Variants in GSTCD observed in about 807,000 individuals in gnomAD.
GSTCD encodes glutathione S-transferase C-terminal domain containing.
A neutral mutation model predicts 68.3 loss-of-function variants in GSTCD; 44 were observed. The observed-to-expected ratio is 0.64, with a 90% CI of 0.51 to 0.83. The LOEUF (loss-of-function observed/expected upper bound fraction) is 0.83. Ranked by LOEUF, GSTCD falls within the 40% of genes least tolerant of loss-of-function variation. GSTCD has a pLI of 0.00. For missense variants in GSTCD, 739 were observed against 735.9 expected (o/e 1.00, Z -0.05); for synonymous variants, 273 against 255.2 (o/e 1.07, Z -0.67).
intron 3 of GSTCD, among the ~76,000 whole-genome samples, chr4:105,722,048 CATT>C (rs1220407864): frequency 1.3e-5 from 2 of 152,090 alleles, no homozygotes; most frequent in East Asian, 1.9e-4. Flanking sequence ...ATATTTAAAA[CATT>C]ATTGTACGCC....
chr4:105,845,031 A>C (rs1249307608), intron 11 of GSTCD, among the ~76,000 whole-genome samples: 1 of 152,206 alleles, frequency 6.6e-6, no homozygotes, highest in African/African-American at 2.4e-5. Flanking sequence ...TTCAGACACC[A>C]CTTAATCAGC....
In GSTCD at chr4:105,722,193, G is replaced by C. The variant is rs544070159; in HGVS notation, c.894+2666G>C. On this transcript the variant is annotated intron_variant, in intron 3 of 11. Coordinates refer to ENST00000515279, the MANE Select transcript of GSTCD (RefSeq NM_001370181.1). ...ATACACACATACACACACACACACA[G>C]ACATCTTTATTAGCTTAGGTAAAAT... is the stretch of plus-strand genomic sequence containing the variant. 3.2e-4 allele frequency among the ~76,000 whole-genome samples: 48 copies of C among 151,866 alleles called. No individual in the cohort carries two copies. The South Asian group carries it at 4.8e-3, about 15-fold the overall frequency.
intron 5 of GSTCD, among the ~76,000 whole-genome samples, chr4:105,760,849 A>T (rs952812408): frequency 1.3e-5 from 2 of 152,122 alleles, no homozygotes; most frequent in Non-Finnish European, 2.9e-5. Flanking sequence ...CTATTTTTTT[A>T]AATAATTAAA....
chr4:105,741,897 A>G (rs1431056257), intron 5 of GSTCD, among the ~76,000 whole-genome samples: 1 of 152,182 alleles, frequency 6.6e-6, no homozygotes, highest in Admixed American at 6.5e-5. Context: ...TGTTGTTTTC[A>G]GTTCTGGTAA....
At chr4:105,840,197 T>C in intron 10 of GSTCD, 2 of 455,986 alleles carry the variant, frequency 4.4e-6, no homozygotes, top group South Asian at 1.6e-5. Context: ...TTACCTGAGA[T>C]TGCGATTGCC....
chr4:105,774,492 T>A (rs748251258), intron 5 of GSTCD, among the ~76,000 whole-genome samples: 24 of 152,214 alleles, frequency 1.6e-4, no homozygotes, highest in Admixed American at 2.6e-4. Flanking sequence ...CTGGTACTGG[T>A]TTTTCCTTTC....
intron 5 of GSTCD, among the ~76,000 whole-genome samples, chr4:105,760,530 A>C (rs977283635): frequency 1.3e-5 from 2 of 152,208 alleles, no homozygotes; most frequent in African/African-American, 2.4e-5. Flanking sequence ...TAAGTTGGAA[A>C]GACTGAGGCA....
chr4:105,736,983 T>G (rs1733484260), intron 5 of GSTCD, among the ~76,000 whole-genome samples: 1 of 152,206 alleles, frequency 6.6e-6, no homozygotes, highest in South Asian at 2.1e-4. Context: ...TCTTTATCTC[T>G]TCTTCTGTTG....
Position 105,835,155 on chromosome 4 carries a change from G to A in GSTCD, c.1664+561G>A, listed in dbSNP as rs149271915. Among the ~76,000 whole-genome samples the A allele has an allele frequency of 1.8e-4, 27 of 152,310 alleles. No homozygotes were observed. In the East Asian group the frequency reaches 4.6e-3, roughly 26 times the overall value. On this transcript the variant is annotated intron_variant, in intron 9 of 11. Coordinates refer to ENST00000515279, the MANE Select transcript of GSTCD (RefSeq NM_001370181.1). ...ATAAATGTGAACTGTTGCTAATAAT[G>A]GTAGCAATGTCACAGGATCCTTGGG...
intron 5 of GSTCD, among the ~76,000 whole-genome samples, chr4:105,787,635 C>T (rs1735514101): frequency 6.6e-6 from 1 of 151,862 alleles, no homozygotes. Flanking sequence ...AACCGTTCTT[C>T]AAATATTCTC....
chr4:105,731,468 T>G (rs938307985), intron 5 of GSTCD, among the ~76,000 whole-genome samples: 1 of 152,224 alleles, frequency 6.6e-6, no homozygotes, highest in Non-Finnish European at 1.5e-5. Flanking sequence ...GTTGGATTCC[T>G]AGGTATTTTA....
At chr4:105,801,751 C>G (rs901016636) in intron 5 of GSTCD, among the ~76,000 whole-genome samples, 2 of 151,478 alleles carry the variant, frequency 1.3e-5, no homozygotes, top group African/African-American at 4.8e-5. Context: ...AAATTAAAAC[C>G]AAATTTTGAT....
At chr4:105,716,788 A>C (rs1239875685) in intron 1 of GSTCD, among the ~76,000 whole-genome samples, 1 of 152,206 alleles carries the variant, frequency 6.6e-6, no homozygotes, top group Non-Finnish European at 1.5e-5. Context: ...CTTTGGCTGG[A>C]GCAGTGAGCA....
At chr4:105,759,038 A>G (rs1578444184) in intron 5 of GSTCD, among the ~76,000 whole-genome samples, 1 of 152,178 alleles carries the variant, frequency 6.6e-6, no homozygotes, top group East Asian at 1.9e-4. Flanking sequence ...GCAGAATATA[A>G]TTTGCTTTTT....
intron 5 of GSTCD, among the ~76,000 whole-genome samples, chr4:105,785,317 G>A (rs1272613665): frequency 6.6e-6 from 1 of 151,874 alleles, no homozygotes; most frequent in Non-Finnish European, 1.5e-5. Flanking sequence ...AAAACTCTCA[G>A]CAAAGTATTA....
chr4:105,798,741 T>A (rs1735997552), intron 5 of GSTCD, among the ~76,000 whole-genome samples: 1 of 13,854 alleles, frequency 7.2e-5, no homozygotes, highest in Non-Finnish European at 2.3e-4. Context: ...GGTATTCCAT[T>A]TCTAGAATAC....
intron 5 of GSTCD, among the ~76,000 whole-genome samples, chr4:105,793,723 C>T (rs1735765068): frequency 6.6e-6 from 1 of 151,960 alleles, no homozygotes; most frequent in Admixed American, 6.5e-5. Context: ...CCCACCGCAG[C>T]CAAGATCTAA....
chr4:105,762,125 A>G (rs1734433571), intron 5 of GSTCD, among the ~76,000 whole-genome samples: 1 of 152,226 alleles, frequency 6.6e-6, no homozygotes, highest in African/African-American at 2.4e-5. Flanking sequence ...TCATATGGAA[A>G]ATAGTCAGTC....
intron 5 of GSTCD, among the ~76,000 whole-genome samples, chr4:105,777,661 T>G (rs1578466719): frequency 6.6e-6 from 1 of 152,332 alleles, no homozygotes; most frequent in African/African-American, 2.4e-5. Context: ...TAGACCAGAC[T>G]CTGTCTTTAC....
Sources: gnomAD v4.1 joint callset for allele counts (sites outside exome capture counted in the v4.1 genomes callset) on GRCh38, gnomAD v4.1.1 for gene constraint, MANE v1.5 for transcripts, NCBI Gene and HGNC (gene_info 2026-07-23, HGNC 2026-07-21) for gene names.